Variants in AFG1L observed in about 807,000 individuals in gnomAD.
The protein encoded by AFG1L is AFG1 like ATPase.
Under a neutral mutation model 62.2 loss-of-function variants are expected in AFG1L, and 53 were observed. The observed-to-expected ratio is 0.85, with a 90% CI of 0.68 to 1.07. AFG1L has a LOEUF of 1.07. Among genes scored for constraint, AFG1L ranks in the 50% least tolerant of loss-of-function variants. The pLI is 0.00. For synonymous variants in AFG1L, 228 were observed against 210.3 expected (o/e 1.08, Z -0.73); for missense variants, 555 against 590.5 (o/e 0.94, Z 0.62).
intron 7 of AFG1L, among the ~76,000 whole-genome samples, chr6:108,412,099 C>T (rs538719627): frequency 3.9e-5 from 6 of 152,166 alleles, no homozygotes; most frequent in South Asian, 4.1e-4. Flanking sequence ...AACCATGGCA[C>T]GAGAACTATG....
intron 10 of AFG1L, among the ~76,000 whole-genome samples, chr6:108,497,422 A>AT (rs891860163): frequency 6.6e-6 from 1 of 151,026 alleles, no homozygotes; most frequent in East Asian, 2.0e-4. Context: ...TTCTATATTC[A>AT]TTTTTTTTCT....
At chr6:108,448,369 C>G (rs1771898674) in intron 8 of AFG1L, among the ~76,000 whole-genome samples, 1 of 152,076 alleles carries the variant, frequency 6.6e-6, no homozygotes, top group Non-Finnish European at 1.5e-5. Context: ...CTAATATTCA[C>G]AGCCTTTCCC....
intron 7 of AFG1L, among the ~76,000 whole-genome samples, chr6:108,432,098 G>A (rs1474341762): frequency 6.6e-6 from 1 of 151,292 alleles, no homozygotes; most frequent in Non-Finnish European, 1.5e-5. Flanking sequence ...TATTTTTAGT[G>A]ACATATCCAG....
rs146428109 is a variant in AFG1L at position 108,406,225 on chromosome 6, C to A, written c.807+4171C>A. 6.6e-5 allele frequency among the ~76,000 whole-genome samples: 10 copies of A among 152,096 alleles called. No individual in the cohort carries two copies. In the East Asian group the frequency reaches 1.7e-3, roughly 26 times the overall value. On this transcript the variant is annotated intron_variant, in intron 7 of 12. Coordinates refer to ENST00000368977, the MANE Select transcript of AFG1L (RefSeq NM_145315.5). ...ACTGCCATACTGTTTTCCATAGCGG[C>A]TGTACCATATTACGTTCCCATCAGC...
intron 7 of AFG1L, among the ~76,000 whole-genome samples, chr6:108,440,200 A>G (rs1339993187): frequency 1.3e-5 from 2 of 152,022 alleles, no homozygotes; most frequent in Admixed American, 6.6e-5. Flanking sequence ...ATTTTTTGAG[A>G]TGGAGTCTCA....
intron 8 of AFG1L, among the ~76,000 whole-genome samples, chr6:108,451,217 A>G (rs893152201): frequency 6.6e-6 from 1 of 152,210 alleles, no homozygotes; most frequent in Non-Finnish European, 1.5e-5. Context: ...AATTTCATAC[A>G]AGTAAAATCC....
chr6:108,355,677 G>T lies in AFG1L; in HGVS notation c.439G>T (p.Asp147Tyr). The T allele has an allele frequency of 3.1e-6, 5 of 1,605,158 alleles. No individual in the cohort carries two copies. Among genetic ancestry groups the T allele is most frequent in the Non-Finnish European group, 4.2e-6 (5 of 1,176,550 alleles). The change falls in exon 4 of 13, where the codon GAC (aspartate) becomes TAC (tyrosine). Residue 147 changes from aspartate (D) to tyrosine (Y), a missense_variant. By Grantham distance (160) the Asp-to-Tyr change is radical (BLOSUM62 -3). Coordinates refer to ENST00000368977, the MANE Select transcript of AFG1L (RefSeq NM_145315.5). Reference sequence around the variant, plus strand: ...AGGTACAGGAAAAACAATGGTGATGGACATGTTTTATGCTTATGTGGAAAT... The same window carrying T: ...AGGTACAGGAAAAACAATGGTGATGTACATGTTTTATGCTTATGTGGAAAT... Reference protein sequence around the residue: ...DVGTGKTMVMDMFYAYVEMKR... With the variant: ...DVGTGKTMVMYMFYAYVEMKR...
chr6:108,315,244 A>G (rs1329625758), intron 1 of AFG1L, among the ~76,000 whole-genome samples: 1 of 152,098 alleles, frequency 6.6e-6, no homozygotes, highest in African/African-American at 2.4e-5. Context: ...CATCAACTAT[A>G]TAAACTTCCT....
In AFG1L at chr6:108,441,627, C is replaced by T. The variant is rs1001148640; in HGVS notation, c.808-5587C>T. Reference sequence around the variant, plus strand: ...GTCGACTTGCAGCTTAGCTTCCCCCCGCCTCCACCCTTCTGCAAAGAGCTT... The same window carrying T: ...GTCGACTTGCAGCTTAGCTTCCCCCTGCCTCCACCCTTCTGCAAAGAGCTT... On this transcript the variant is annotated intron_variant, in intron 7 of 12. Coordinates refer to ENST00000368977, the MANE Select transcript of AFG1L (RefSeq NM_145315.5). Among the ~76,000 whole-genome samples, 15 of 151,178 alleles carry T rather than the reference C, an allele frequency of 9.9e-5. 1 individual carries two copies. Among genetic ancestry groups the T allele is most frequent in the African/African-American group, 2.9e-4 (12 of 41,138 alleles).
chr6:108,451,657 T>G (rs1772058888), intron 8 of AFG1L, among the ~76,000 whole-genome samples: 1 of 152,214 alleles, frequency 6.6e-6, no homozygotes, highest in African/African-American at 2.4e-5. Flanking sequence ...AGTTTTTTAT[T>G]CTGTACTAAA....
Position 108,525,853 on chromosome 6 carries a change from C to T in AFG1L, c.*3428C>T, listed in dbSNP as rs1775298047. On this transcript the variant is annotated 3_prime_UTR_variant, in exon 13 of 13. Transcript: ENST00000368977. ...TGCTGGTCCAAGTAACTTGAACCTA[C>T]ACTTGACGGCTGCTTTATCTGAGAT... is the stretch of plus-strand genomic sequence containing the variant. 6.6e-6 allele frequency: 1 copy of T among 152,210 alleles called. No homozygotes were observed. Among genetic ancestry groups the T allele is most frequent in the African/African-American group, 2.4e-5 (1 of 41,470 alleles). The allele number at this position is 152,210 out of a possible 1,614,324, so 9.4% of individuals were successfully genotyped here. A position where few individuals can be genotyped will look rare whatever the true frequency, so the allele number is the denominator to read the frequency against.
intron 6 of AFG1L, among the ~76,000 whole-genome samples, chr6:108,393,678 T>A (rs1781162564): frequency 6.6e-6 from 1 of 152,158 alleles, no homozygotes; most frequent in East Asian, 1.9e-4. Context: ...GCCTTATACA[T>A]CCATAAAAAA....
intron 1 of AFG1L, chr6:108,318,539 G>A (rs1401747086): frequency 6.2e-6 from 1 of 160,340 alleles, no homozygotes; most frequent in Non-Finnish European, 1.4e-5. Flanking sequence ...CCTGGGGAAA[G>A]TAAAACTAAA....
intron 7 of AFG1L, among the ~76,000 whole-genome samples, chr6:108,404,786 C>T (rs6910380): frequency 6.6e-6 from 1 of 151,784 alleles, no homozygotes; most frequent in Admixed American, 6.6e-5. Flanking sequence ...AGAGTGCAGT[C>T]GTACAATATT....
intron 2 of AFG1L, among the ~76,000 whole-genome samples, chr6:108,330,181 T>A (rs928677357): frequency 1.4e-4 from 11 of 80,778 alleles, no homozygotes; most frequent in Non-Finnish European, 2.9e-4. Flanking sequence ...ATTCCTTTTT[T>A]ATTTTTTTTT....
rs1781553573 is a variant in AFG1L at position 108,400,797 on chromosome 6, T to C, written c.749-1199T>C. 1.6e-5 allele frequency among the ~76,000 whole-genome samples: 2 copies of C among 123,868 alleles called. 1 individual carries two copies. Among genetic ancestry groups the C allele is most frequent in the South Asian group, 4.4e-4 (2 of 4,558 alleles). The allele number at this position is 123,868 out of a possible 152,430, so 81.3% of individuals were successfully genotyped here. Reference sequence around the variant, plus strand: ...AATATATGTTATATATAAAATTATATAATATATAATAAATATATATAATAT... The same window carrying C: ...AATATATGTTATATATAAAATTATACAATATATAATAAATATATATAATAT... On this transcript the variant is annotated intron_variant, in intron 6 of 12. Transcript: ENST00000368977.
intron 8 of AFG1L, among the ~76,000 whole-genome samples, chr6:108,473,042 T>C (rs1415651493): frequency 6.6e-6 from 1 of 152,134 alleles, no homozygotes; most frequent in Non-Finnish European, 1.5e-5. Context: ...CCTCAAGTAA[T>C]CTGACCACCT....
At chr6:108,494,440 AC>A (rs1007407132) in intron 10 of AFG1L, among the ~76,000 whole-genome samples, 63 of 146,524 alleles carry the variant, frequency 4.3e-4, no homozygotes, top group African/African-American at 1.5e-3. Context: ...TGCCCCCCCC[AC>A]CCCGCAAAAA....
chr6:108,489,073 G>C (rs996721247), intron 10 of AFG1L, among the ~76,000 whole-genome samples: 1 of 152,212 alleles, frequency 6.6e-6, no homozygotes, highest in African/African-American at 2.4e-5. Flanking sequence ...CCAACACTTG[G>C]AAGAAAGGAT....
Sources: gnomAD v4.1 joint callset for allele counts (sites outside exome capture counted in the v4.1 genomes callset) on GRCh38, gnomAD v4.1.1 for gene constraint, MANE v1.5 for transcripts, NCBI Gene and HGNC (gene_info 2026-07-23, HGNC 2026-07-21) for gene names.